Variants in GSE1 observed in about 807,000 individuals in gnomAD.
The protein encoded by GSE1 is Gse1 coiled-coil protein.
In GSE1, 32 loss-of-function variants were observed where a neutral mutation model predicts 112.6. That is an observed-to-expected ratio of 0.28 (90% CI 0.21 to 0.38). The LOEUF (loss-of-function observed/expected upper bound fraction) is 0.38. Ranked by LOEUF, GSE1 falls within the 10% of genes least tolerant of loss-of-function variation. GSE1 has a pLI of 1.00. For missense variants in GSE1, 2,348 were observed against 1,699.2 expected (o/e 1.38, Z -6.71); for synonymous variants, 1,115 against 735.6 (o/e 1.52, Z -8.35).
chr16:85,468,689 GCCATGTCTCT>G (rs1259014963), intron 2 of GSE1, among the ~76,000 whole-genome samples: 1 of 152,134 alleles, frequency 6.6e-6, no homozygotes, highest in Non-Finnish European at 1.5e-5. Context: ...GAACAGGAGG[GCCATGTCTCT>G]CCCCTCCCTG....
At chr16:85,544,241 C>T (rs757700869) in intron 2 of GSE1, among the ~76,000 whole-genome samples, 4 of 152,164 alleles carry the variant, frequency 2.6e-5, no homozygotes, top group African/African-American at 4.8e-5. Context: ...GTCCCCGCAG[C>T]GAAGAATCAT....
intron 1 of GSE1, among the ~76,000 whole-genome samples, chr16:85,592,056 C>T (rs534725212): frequency 1.3e-5 from 2 of 152,232 alleles, no homozygotes; most frequent in East Asian, 3.8e-4. Context: ...ACCCCCCGCC[C>T]CCCGCTCCCG....
intron 2 of GSE1, among the ~76,000 whole-genome samples, chr16:85,491,914 G>C (rs918638499): frequency 6.6e-6 from 1 of 152,164 alleles, no homozygotes; most frequent in Admixed American, 6.5e-5. Context: ...CATTCATGTG[G>C]ACAGGAGGTG....
At chr16:85,624,641 G>C (rs1056737847) in intron 1 of GSE1, among the ~76,000 whole-genome samples, 1 of 152,198 alleles carries the variant, frequency 6.6e-6, no homozygotes, top group East Asian at 1.9e-4. Flanking sequence ...TCCGGCTCCT[G>C]AGCCTCTACA....
chr16:85,496,568 C>T (rs1347032744), intron 2 of GSE1, among the ~76,000 whole-genome samples: 1 of 152,222 alleles, frequency 6.6e-6, no homozygotes. Flanking sequence ...GACCCACCCA[C>T]CGCTGGCAGC....
intron 1 of GSE1, among the ~76,000 whole-genome samples, chr16:85,254,421 C>T (rs1597201420): frequency 6.6e-6 from 1 of 152,198 alleles, no homozygotes; most frequent in South Asian, 2.1e-4. Flanking sequence ...CACAGCGCCT[C>T]GCACACAGCA....
At position 85,661,775 on chromosome 16, in the gene GSE1, C is replaced by T. The variant is rs771305975; in HGVS notation, c.2260+10C>T. 3 of 1,493,434 alleles carry T rather than the reference C, an allele frequency of 2.0e-6. No homozygotes were observed. The highest frequency in any genetic ancestry group is 2.7e-6 in the Non-Finnish European group (3 of 1,116,650). 92.5% of individuals were successfully genotyped at this position (1,493,434 alleles called of 1,614,324 possible). ...GAGGCCCAGGAGAAAGGTCTGCCTC[C>T]CCGCGGGCCCCGAGCTGCTCAGGGA... On this transcript the variant is annotated intron_variant, in intron 9 of 15. Transcript: ENST00000253458.
At chr16:85,347,283 C>A (rs568768242) in intron 1 of GSE1, among the ~76,000 whole-genome samples, 2 of 152,208 alleles carry the variant, frequency 1.3e-5, no homozygotes, top group East Asian at 3.9e-4. Flanking sequence ...AGCCTAGCTC[C>A]CACTGCCAGC....
intron 1 of GSE1, among the ~76,000 whole-genome samples, chr16:85,262,799 C>T (rs184792088): frequency 1.2e-4 from 18 of 152,332 alleles, no homozygotes; most frequent in African/African-American, 3.4e-4. Context: ...ACAAGCTTGC[C>T]GCGGGCACCA....
chr16:85,352,145 C>T (rs976625839), intron 1 of GSE1, among the ~76,000 whole-genome samples: 1 of 152,136 alleles, frequency 6.6e-6, no homozygotes, highest in Non-Finnish European at 1.5e-5. Flanking sequence ...AGGGATGTGG[C>T]GTCTGTCTTC....
At chr16:85,653,876 T>C (rs2051662455) in intron 3 of GSE1, among the ~76,000 whole-genome samples, 1 of 152,280 alleles carries the variant, frequency 6.6e-6, no homozygotes, top group Non-Finnish European at 1.5e-5. Flanking sequence ...GCGTGCTGGG[T>C]GCCAACGGTG....
At chr16:85,256,032 A>G (rs1907040929) in intron 1 of GSE1, among the ~76,000 whole-genome samples, 1 of 152,124 alleles carries the variant, frequency 6.6e-6, no homozygotes, top group African/African-American at 2.4e-5. Flanking sequence ...AAGTCCCTTA[A>G]CCTCCGTGTG....
In GSE1 at chr16:85,288,273, C is replaced by T. The variant is rs1039590510; in HGVS notation, c.2284-69190C>T. Among the ~76,000 whole-genome samples, 5 of 152,014 alleles carry T rather than the reference C, an allele frequency of 3.3e-5. No individual in the cohort carries two copies. In the East Asian group the frequency reaches 9.6e-4, roughly 29 times the overall value. On this transcript the variant is annotated intron_variant, in intron 1 of 2. Coordinates refer to the GSE1 transcript ENST00000637419. Reference sequence around the variant, plus strand: ...AGAAAAGAAAAGAAATAAGTACTCTCAGCCCCCCTACGCACTTTGACATTT... The same window carrying T: ...AGAAAAGAAAAGAAATAAGTACTCTTAGCCCCCCTACGCACTTTGACATTT...
chr16:85,430,761 C>T (rs768424609), intron 2 of GSE1, among the ~76,000 whole-genome samples: 8 of 152,222 alleles, frequency 5.3e-5, no homozygotes, highest in African/African-American at 1.9e-4. Flanking sequence ...TAGGCACACA[C>T]GTGCATGACC....
At chr16:85,431,884 C>T (rs180932031) in intron 2 of GSE1, among the ~76,000 whole-genome samples, 32 of 152,350 alleles carry the variant, frequency 2.1e-4, no homozygotes, top group African/African-American at 4.1e-4. Context: ...AATTAGCTAG[C>T]GGTTTGAAAG....
chr16:85,449,080 G>C (rs943403511), intron 2 of GSE1, among the ~76,000 whole-genome samples: 2 of 152,188 alleles, frequency 1.3e-5, no homozygotes, highest in African/African-American at 2.4e-5. Context: ...GCTGGAAACC[G>C]GGCCGGGAGC....
At chr16:85,431,455 G>A (rs1257393328) in intron 2 of GSE1, among the ~76,000 whole-genome samples, 2 of 152,218 alleles carry the variant, frequency 1.3e-5, no homozygotes, top group East Asian at 1.9e-4. Context: ...ACCGCGGGGC[G>A]AAAAACACAC....
intron 2 of GSE1, 81 bp from the exon 3 acceptor site, chr16:85,648,471 G>C: frequency 1.4e-6 from 1 of 707,242 alleles, no homozygotes; most frequent in Non-Finnish European, 2.3e-6. Context: ...CAGGGGGGCA[G>C]CTGGAGCCCA....
chr16:85,476,925 C>CTTT (rs55732128), intron 2 of GSE1, among the ~76,000 whole-genome samples: 8 of 117,786 alleles, frequency 6.8e-5, no homozygotes, highest in African/African-American at 1.6e-4. Flanking sequence ...GTATGTGGTT[C>CTTT]TTTTTTTTTT....
Sources: allele counts gnomAD v4.1 joint callset (sites outside exome capture counted in the v4.1 genomes callset), GRCh38; gene constraint gnomAD v4.1.1; transcripts MANE v1.5; gene names NCBI Gene and HGNC (gene_info 2026-07-23, HGNC 2026-07-21).